UNC5D: variants seen among roughly 807,000 people sequenced by gnomAD.
The protein encoded by UNC5D is netrin receptor UNC5D.
UNC5D carries 39 observed loss-of-function variants against 105.4 expected under a neutral mutation model. The ratio of observed to expected loss-of-function variants is 0.37; its 90% CI spans 0.29 to 0.48. The LOEUF (loss-of-function observed/expected upper bound fraction) is 0.48, where lower values mean the gene tolerates loss of function less well. Among genes scored for constraint, UNC5D ranks in the 20% least tolerant of loss-of-function variants. The pLI, the probability that UNC5D is intolerant of heterozygous loss-of-function variation, is 0.98. For missense variants in UNC5D, 991 were observed against 1,202.4 expected (o/e 0.82, Z 2.60); for synonymous variants, 452 against 450.4 (o/e 1.00, Z -0.04).
At chr8:35,361,544 G>A (rs966153549) in intron 1 of UNC5D, among the ~76,000 whole-genome samples, 2 of 152,118 alleles carry the variant, frequency 1.3e-5, no homozygotes, top group African/African-American at 4.8e-5. Flanking sequence ...CTCACTAATG[G>A]AGTGATTTCT....
At chr8:35,551,671 A>T (rs1816150456) in intron 2 of UNC5D, among the ~76,000 whole-genome samples, 1 of 152,070 alleles carries the variant, frequency 6.6e-6, no homozygotes, top group Non-Finnish European at 1.5e-5. Flanking sequence ...TACAAAAATT[A>T]GCCAGGGTTG....
At chr8:35,360,028 T>G (rs1018722077) in intron 1 of UNC5D, among the ~76,000 whole-genome samples, 1 of 152,184 alleles carries the variant, frequency 6.6e-6, no homozygotes, top group Non-Finnish European at 1.5e-5. Context: ...ACAGAAGAGT[T>G]TCAGAGTTTC....
intron 1 of UNC5D, among the ~76,000 whole-genome samples, chr8:35,519,932 G>T (rs920976872): frequency 6.6e-6 from 1 of 152,142 alleles, no homozygotes; most frequent in Non-Finnish European, 1.5e-5. Flanking sequence ...TTGCAAGGAT[G>T]TGGAGAAAGT....
intron 1 of UNC5D, among the ~76,000 whole-genome samples, chr8:35,326,175 G>A (rs559040267): frequency 4.6e-5 from 7 of 152,208 alleles, no homozygotes; most frequent in African/African-American, 1.7e-4. Flanking sequence ...AGGCCTAAGC[G>A]GGCTGTCCCC....
At chr8:35,527,278 A>G (rs1813945653) in intron 1 of UNC5D, among the ~76,000 whole-genome samples, 1 of 152,202 alleles carries the variant, frequency 6.6e-6, no homozygotes. Context: ...TTATGTGATA[A>G]TAATCATTGT....
chr8:35,680,299 T>C (rs1186824355), intron 4 of UNC5D, among the ~76,000 whole-genome samples: 2 of 152,232 alleles, frequency 1.3e-5, no homozygotes, highest in Admixed American at 1.3e-4. Context: ...AGAGAGATTT[T>C]AATCTTGGCT....
At chr8:35,365,143 C>A (rs567683726) in intron 1 of UNC5D, among the ~76,000 whole-genome samples, 1 of 152,194 alleles carries the variant, frequency 6.6e-6, no homozygotes, top group African/African-American at 2.4e-5. Flanking sequence ...CGGAGAAATA[C>A]CTCCTTCCCA....
At chr8:35,361,929 T>G (rs1426035606) in intron 1 of UNC5D, among the ~76,000 whole-genome samples, 1 of 152,192 alleles carries the variant, frequency 6.6e-6, no homozygotes, top group African/African-American at 2.4e-5. Flanking sequence ...CTTTTCATTT[T>G]AAGTTCTGAA....
intron 13 of UNC5D, among the ~76,000 whole-genome samples, chr8:35,752,280 C>A (rs1194865399): frequency 6.6e-6 from 1 of 152,178 alleles, no homozygotes; most frequent in Non-Finnish European, 1.5e-5. Flanking sequence ...GCTCTCCTGA[C>A]ACACCTCATT....
chr8:35,450,520 G>T (rs1191290908), intron 1 of UNC5D, among the ~76,000 whole-genome samples: 1 of 152,048 alleles, frequency 6.6e-6, no homozygotes, highest in Non-Finnish European at 1.5e-5. Flanking sequence ...ACAAAATAAT[G>T]CTGTTCTTGC....
chr8:35,594,811 G>A (rs1301430082), intron 3 of UNC5D, among the ~76,000 whole-genome samples: 3 of 152,138 alleles, frequency 2.0e-5, no homozygotes, highest in African/African-American at 7.2e-5. Context: ...CCCCATCACT[G>A]GCATCGATGC....
chr8:35,463,244 G>A (rs1809030693), intron 1 of UNC5D, among the ~76,000 whole-genome samples: 1 of 152,144 alleles, frequency 6.6e-6, no homozygotes, highest in Non-Finnish European at 1.5e-5. Flanking sequence ...CCCTTTACTG[G>A]TGTAGCTATC....
chr8:35,624,556 T>C (rs996899929), intron 4 of UNC5D, among the ~76,000 whole-genome samples: 3 of 152,192 alleles, frequency 2.0e-5, no homozygotes, highest in Non-Finnish European at 2.9e-5. Flanking sequence ...GTTGACCGAG[T>C]GGTCTCAGAC....
At chr8:35,450,922 G>A (rs1447149382) in intron 1 of UNC5D, among the ~76,000 whole-genome samples, 1 of 152,058 alleles carries the variant, frequency 6.6e-6, no homozygotes, top group Non-Finnish European at 1.5e-5. Flanking sequence ...AAGTAGACTA[G>A]GTTAAGTTAT....
intron 8 of UNC5D, among the ~76,000 whole-genome samples, chr8:35,711,024 T>C (rs1345449703): frequency 6.3e-5 from 8 of 127,858 alleles, no homozygotes; most frequent in East Asian, 2.4e-4. Context: ...CTGCAAGCTC[T>C]GCCTCCCGGG....
chr8:35,647,947 T>G lies in UNC5D; in HGVS notation c.571-35600T>G, dbSNP rs577319308. On this transcript the variant is annotated intron_variant, in intron 4 of 16. Coordinates refer to ENST00000404895, the MANE Select transcript of UNC5D (RefSeq NM_080872.4). ...ATTTGCTGTTCTCATTCCCATGAAC[T>G]GTAGTCAAGGGATCTAGAGTTTCAG... Among the ~76,000 whole-genome samples, 26 of 152,324 alleles carry G rather than the reference T, an allele frequency of 1.7e-4. 1 individual carries two copies. Among genetic ancestry groups the G allele is most frequent in the Admixed American group, 7.2e-4 (11 of 15,292 alleles).
intron 1 of UNC5D, among the ~76,000 whole-genome samples, chr8:35,430,498 C>T (rs549526665): frequency 3.4e-4 from 52 of 152,246 alleles, no homozygotes; most frequent in South Asian, 1.0e-3. Context: ...TCACCAGAAA[C>T]TCTAAAGTTG....
At chr8:35,607,729 A>T (rs1326721841) in intron 4 of UNC5D, among the ~76,000 whole-genome samples, 3 of 151,870 alleles carry the variant, frequency 2.0e-5, no homozygotes, top group Non-Finnish European at 4.4e-5. Flanking sequence ...TTCCTCTTTG[A>T]TGGGCACTTC....
intron 4 of UNC5D, among the ~76,000 whole-genome samples, chr8:35,643,247 T>C (rs1189142049): frequency 3.3e-5 from 5 of 152,178 alleles, no homozygotes; most frequent in African/African-American, 1.2e-4. Flanking sequence ...CTCCAGACAT[T>C]GCCAGATGTT....
Sources: allele counts gnomAD v4.1 joint callset (sites outside exome capture counted in the v4.1 genomes callset), GRCh38; gene constraint gnomAD v4.1.1; transcripts MANE v1.5; gene names NCBI Gene and HGNC (gene_info 2026-07-23, HGNC 2026-07-21).